The following ADARB1 variants were observed in gnomAD, a reference collection of about 807,000 sequenced individuals.
ADARB1 encodes the protein double-stranded RNA-specific editase 1.
In ADARB1, 10 loss-of-function variants were observed where a neutral mutation model predicts 52.4. The ratio of observed to expected loss-of-function variants is 0.19; its 90% CI spans 0.12 to 0.32. The LOEUF (loss-of-function observed/expected upper bound fraction) is 0.32. Among genes scored for constraint, ADARB1 ranks in the 10% least tolerant of loss-of-function variants. The pLI is 1.00. For synonymous variants in ADARB1, 349 were observed against 371.1 expected (o/e 0.94, Z 0.68); for missense variants, 643 against 922.3 (o/e 0.70, Z 3.92).
At chr21:45,155,482 C>T (rs1452034237) in intron 2 of ADARB1, among the ~76,000 whole-genome samples, 1 of 152,048 alleles carries the variant, frequency 6.6e-6, no homozygotes, top group East Asian at 1.9e-4. Flanking sequence ...TGGCATTTAT[C>T]CACCCATCCA....
chr21:45,173,038 C>T (rs1203138639), intron 3 of ADARB1, among the ~76,000 whole-genome samples: 2 of 152,188 alleles, frequency 1.3e-5, no homozygotes, highest in Non-Finnish European at 2.9e-5. Flanking sequence ...GTGCAGGGGT[C>T]CTCAGGGCCT....
At position 45,176,586 on chromosome 21, in the gene ADARB1, C is replaced by A. The variant is rs1314829167; in HGVS notation, c.885C>A (p.Ala295=). Residue 295 remains alanine, a synonymous_variant, in exon 4 of 11, where the codon GCC becomes GCA. Transcript: ENST00000348831. The surrounding 1 kb of genome is among the most constrained non-coding windows in gnomAD (Gnocchi z 5.8). ...KARAAQSALA[A]IFNLHLDQTP... ...GGGCTGCGCAGTCTGCCCTGGCCGC[C>A]ATTTTTAACTTGCACTTGGATCAGA... 6.2e-7 allele frequency: 1 copy of A among 1,614,182 alleles called. No individual in the cohort carries two copies. Among genetic ancestry groups the A allele is most frequent in the South Asian group, 1.1e-5 (1 of 91,068 alleles).
chr21:45,097,052 T>C (rs965831637), intron 1 of ADARB1, among the ~76,000 whole-genome samples: 2 of 152,226 alleles, frequency 1.3e-5, no homozygotes, highest in African/African-American at 4.8e-5. Flanking sequence ...CTCCTCTTTT[T>C]AAATGTTCTC....
At chr21:45,092,998 C>T (rs994009540) in intron 1 of ADARB1, among the ~76,000 whole-genome samples, 1 of 152,032 alleles carries the variant, frequency 6.6e-6, no homozygotes, top group Non-Finnish European at 1.5e-5. Context: ...ATTTCTATAG[C>T]CAACAGGGTA....
chr21:45,169,019 C>T (rs1014703083), intron 2 of ADARB1, among the ~76,000 whole-genome samples: 2 of 152,172 alleles, frequency 1.3e-5, no homozygotes, highest in Non-Finnish European at 2.9e-5. Context: ...GGGATAAGTC[C>T]AAGTTCCCCA....
At chr21:45,185,923 G>C (rs948729953) in intron 8 of ADARB1, among the ~76,000 whole-genome samples, 1 of 152,192 alleles carries the variant, frequency 6.6e-6, no homozygotes, top group African/African-American at 2.4e-5. Flanking sequence ...TTCATTGTTT[G>C]TGTGCCCTTT....
chr21:45,182,801 T>C (rs1454324104), intron 6 of ADARB1, 48 bp downstream of exon 6: 1 of 1,473,810 alleles, frequency 6.8e-7, no homozygotes, highest in South Asian at 1.3e-5. Context: ...TTAAAAAATA[T>C]TCCTCTATTA....
intron 2 of ADARB1, chr21:45,146,099 C>G (rs1410628316): frequency 7.7e-6 from 1 of 129,794 alleles, no homozygotes; most frequent in Admixed American, 7.5e-5. Context: ...GCTGTTGTCA[C>G]TGCCTGTGGT....
At chr21:45,144,634 G>A (rs1425303749) in intron 2 of ADARB1, 1 of 453,778 alleles carries the variant, frequency 2.2e-6, no homozygotes, top group Non-Finnish European at 4.4e-6. Context: ...CCTAAAGGTG[G>A]AAGAAAGAAA....
At position 45,128,574 on chromosome 21, in the gene ADARB1, G is replaced by A. The variant is rs541331922; in HGVS notation, c.-48+1G>A. 1 of 152,224 alleles carries A rather than the reference G, an allele frequency of 6.6e-6. No homozygotes were observed. The highest frequency in any genetic ancestry group is 1.5e-5 in the Non-Finnish European group (1 of 68,042). The allele number at this position is 152,224 out of a possible 1,614,324, so 9.4% of individuals were successfully genotyped here. A position where few individuals can be genotyped will look rare whatever the true frequency, so the allele number is the denominator to read the frequency against. ...GACATAAAGCTAGAAAAATTTCAAG[G>A]TGAGTAAAAACCTGTAAAGATCTGA... On this transcript the variant is annotated splice_donor_variant, in intron 2 of 10. Transcript: ENST00000348831. LOFTEE classifies it low-confidence loss of function (5UTR_SPLICE). The surrounding 1 kb of genome is among the most constrained non-coding windows in gnomAD (Gnocchi z 4.6).
intron 1 of ADARB1, among the ~76,000 whole-genome samples, chr21:45,091,188 T>C (rs1235090802): frequency 6.6e-6 from 1 of 152,248 alleles, no homozygotes; most frequent in Non-Finnish European, 1.5e-5. Context: ...GTTTTTTCTA[T>C]TTGACCGTCC....
chr21:45,104,051 C>T (rs1014464437), intron 1 of ADARB1, among the ~76,000 whole-genome samples: 1 of 152,146 alleles, frequency 6.6e-6, no homozygotes, highest in South Asian at 2.1e-4. Flanking sequence ...AAGGGGTTCA[C>T]TTTTGGGGAG....
chr21:45,131,575 C>G (rs925119975), intron 2 of ADARB1, among the ~76,000 whole-genome samples: 4 of 152,194 alleles, frequency 2.6e-5, no homozygotes, highest in African/African-American at 9.6e-5. Flanking sequence ...GATGCCTACG[C>G]CACTTCTCAT....
intron 1 of ADARB1, among the ~76,000 whole-genome samples, chr21:45,101,421 CT>C (rs1346528731): frequency 7.9e-5 from 12 of 152,254 alleles, no homozygotes. Context: ...CCTAGGCTCC[CT>C]TCTTTCGCGG....
Position 45,221,949 on chromosome 21 carries a change from A to G in ADARB1, c.1927-69A>G, listed in dbSNP as rs890937252. 109 of 1,514,064 alleles carry G rather than the reference A, an allele frequency of 7.2e-5. No homozygotes were observed. The highest frequency in any genetic ancestry group is 9.2e-5 in the Non-Finnish European group (102 of 1,105,358). The allele number at this position is 1,514,064 out of a possible 1,614,324, so 93.8% of individuals were successfully genotyped here. ...GCAGTTCTGAAGGCCATGTTTTGGTATCTTATTAGGTGTTGTTTTCATCTG... is the reference window on the plus strand; with the variant it reads ...GCAGTTCTGAAGGCCATGTTTTGGTGTCTTATTAGGTGTTGTTTTCATCTG... On this transcript the variant is annotated intron_variant, in intron 10 of 10. Transcript: ENST00000348831. The surrounding 1 kb of genome is among the most constrained non-coding windows in gnomAD (Gnocchi z 4.9).
chr21:45,163,535 C>G (rs1224273849), intron 2 of ADARB1, among the ~76,000 whole-genome samples: 3 of 152,154 alleles, frequency 2.0e-5, no homozygotes, highest in African/African-American at 4.8e-5. Flanking sequence ...GAATCTCCCC[C>G]CCACCTCCAC....
chr21:45,224,259 T>C lies in ADARB1; in HGVS notation c.*2062T>C. 2.0e-6 allele frequency: 2 copies of C among 985,488 alleles called. No homozygotes were observed. The highest frequency in any genetic ancestry group is 2.4e-6 in the Non-Finnish European group (2 of 829,958). The allele number at this position is 985,488 out of a possible 1,614,324, so 61.0% of individuals were successfully genotyped here. ...TATACATACAAAACTACCCGGTATGTCTGGCTTTTCCCTTCTGTCAGGTAA... is the reference window on the plus strand; with the variant it reads ...TATACATACAAAACTACCCGGTATGCCTGGCTTTTCCCTTCTGTCAGGTAA... On this transcript the variant is annotated 3_prime_UTR_variant, in exon 11 of 11. Transcript: ENST00000348831.
chr21:45,188,324 C>T (rs1001598268), intron 8 of ADARB1, among the ~76,000 whole-genome samples: 1 of 152,176 alleles, frequency 6.6e-6, no homozygotes, highest in Non-Finnish European at 1.5e-5. Context: ...TCAGGCTGAT[C>T]TTGAATTCCT....
intron 8 of ADARB1, among the ~76,000 whole-genome samples, chr21:45,203,876 G>C (rs1484271125): frequency 6.6e-6 from 1 of 152,168 alleles, no homozygotes; most frequent in East Asian, 1.9e-4. Context: ...AGATAGTACT[G>C]AACCCTGTAC....
Sources: gnomAD v4.1 joint callset for allele counts (sites outside exome capture counted in the v4.1 genomes callset) on GRCh38, gnomAD v4.1.1 for gene constraint, Gnocchi (gnomAD v3.1) non-coding constraint, MANE v1.5 for transcripts, NCBI Gene and HGNC (gene_info 2026-07-23, HGNC 2026-07-21) for gene names.